OR10D3: variants seen among roughly 807,000 people sequenced by gnomAD.
The protein encoded by OR10D3 is olfactory receptor 10D3.
For missense variants in OR10D3, 286 were observed against 153.7 expected (o/e 1.86, Z -4.55); for synonymous variants, 100 against 57.6 (o/e 1.74, Z -3.33).
At chr11:124,186,325 G>T (rs1230032387) in exon 2 of OR10D3, 1 of 603,754 alleles carries the variant, frequency 1.7e-6, no homozygotes, top group Non-Finnish European at 2.9e-6. Context: ...TGTGCTGAAT[G>T]ATATGGACCA....
rs1487614826 is a variant in OR10D3, at chr11:124,186,002, C to T, written c.733C>T (p.Leu245Phe). The change falls in exon 2 of 2, where the codon CTC becomes TTC. Residue 245 changes from leucine to phenylalanine, a missense_variant. Transcript: ENST00000641351. ...TGCCTTCTCCACCTGCAGTGCTCACCTCATTGCCATCCTCTGTGCCTATGG... is the reference window on the plus strand; with the variant it reads ...TGCCTTCTCCACCTGCAGTGCTCACTTCATTGCCATCCTCTGTGCCTATGG... 11 of 703,344 alleles carry T rather than the reference C, an allele frequency of 1.6e-5. No homozygotes were observed. The East Asian group carries it at 2.9e-4, about 19-fold the overall frequency. The allele number at this position is 703,344 out of a possible 1,614,324, so 43.6% of individuals were successfully genotyped here.
exon 2 of OR10D3, chr11:124,188,653 A>G (rs1183891259): frequency 6.6e-6 from 1 of 152,200 alleles, no homozygotes; most frequent in Non-Finnish European, 1.5e-5. Flanking sequence ...AGGCTCTGTT[A>G]TTGGCCAAGG....
exon 2 of OR10D3, chr11:124,186,028 G>T (rs1424739717): frequency 2.8e-6 from 2 of 703,284 alleles, no homozygotes; most frequent in Non-Finnish European, 5.2e-6. Context: ...GTGCCTATGG[G>T]CCCATCATCA....
chr11:124,184,877 A>C (rs956837438), intron 1 of OR10D3, among the ~76,000 whole-genome samples: 2 of 152,206 alleles, frequency 1.3e-5, no homozygotes, highest in Non-Finnish European at 2.9e-5. Flanking sequence ...ATTGTGGTTC[A>C]TATCTCCAGT....
chr11:124,188,114 T>C (rs186038453), exon 2 of OR10D3: 42 of 152,244 alleles, frequency 2.8e-4, no homozygotes, highest in African/African-American at 9.1e-4. Flanking sequence ...AGGGAGTCAA[T>C]GGTGGGCTTA....
intron 1 of OR10D3, 84 bp from the exon 2 acceptor site, chr11:124,185,175 A>G (rs574487540): frequency 1.7e-6 from 1 of 604,716 alleles, no homozygotes; most frequent in South Asian, 2.0e-5. Flanking sequence ...TTAATTGACA[A>G]GTTTTATTTC....
intron 1 of OR10D3, among the ~76,000 whole-genome samples, 194 bp from the exon 2 acceptor site, chr11:124,185,065 C>T (rs931889729): frequency 2.4e-4 from 36 of 152,302 alleles, no homozygotes; most frequent in African/African-American, 7.9e-4. Context: ...ATATTTGCTA[C>T]AGAAATGTAG....
chr11:124,184,735 T>C (rs969788112), intron 1 of OR10D3, among the ~76,000 whole-genome samples: 1 of 152,246 alleles, frequency 6.6e-6, no homozygotes, highest in African/African-American at 2.4e-5. Context: ...CAGGATTAGA[T>C]GAACGGAGAT....
At chr11:124,187,464 A>C (rs1048786789) in exon 2 of OR10D3, 4 of 152,248 alleles carry the variant, frequency 2.6e-5, no homozygotes, top group African/African-American at 9.6e-5. Flanking sequence ...AGAGACACTC[A>C]GCATTTTCCT....
At chr11:124,185,699 C>G (rs1304286522) in exon 2 of OR10D3, 1 of 703,644 alleles carries the variant, frequency 1.4e-6, no homozygotes, top group South Asian at 1.5e-5. Flanking sequence ...CTGTGTGGCC[C>G]TGGCTGTGGG....
chr11:124,185,229 C>G, intron 1 of OR10D3, 30 bp from the exon 2 acceptor site: 1 of 670,520 alleles, frequency 1.5e-6, no homozygotes, highest in Non-Finnish European at 2.7e-6. Context: ...GGCATTCTTC[C>G]ATGTCCTCAG....
intron 1 of OR10D3, 78 bp downstream of exon 1, chr11:124,183,461 T>C (rs1464697602): frequency 1.4e-5 from 2 of 147,742 alleles, no homozygotes; most frequent in Non-Finnish European, 3.1e-5. Context: ...TTTCTCTCTC[T>C]TTCTCTTTCT....
At chr11:124,187,730 T>C (rs559566676) in exon 2 of OR10D3, 1 of 152,352 alleles carries the variant, frequency 6.6e-6, no homozygotes, top group Non-Finnish European at 1.5e-5. Flanking sequence ...ATTGTCTTAG[T>C]AGCCTCTTCA....
exon 2 of OR10D3, chr11:124,185,354 G>A (rs1232399621): frequency 2.8e-6 from 2 of 703,200 alleles, no homozygotes; most frequent in South Asian, 1.5e-5. Flanking sequence ...GACACTTTTT[G>A]TCTTATTCTT....
exon 2 of OR10D3, chr11:124,187,505 C>T: frequency 6.6e-6 from 1 of 152,306 alleles, no homozygotes. Flanking sequence ...CTAGGGTACA[C>T]ATAATTTTAC....
At chr11:124,184,062 C>T (rs1861191828) in intron 1 of OR10D3, among the ~76,000 whole-genome samples, 2 of 152,178 alleles carry the variant, frequency 1.3e-5, no homozygotes, top group African/African-American at 4.8e-5. Flanking sequence ...ATATGTAGCA[C>T]TTGTCTTGGG....
exon 2 of OR10D3, chr11:124,188,428 A>G (rs1861248641): frequency 1.3e-5 from 2 of 152,182 alleles, no homozygotes; most frequent in South Asian, 2.1e-4. Flanking sequence ...AACACCCACC[A>G]TATGCCTTCT....
chr11:124,188,096 G>C (rs1252089017), exon 2 of OR10D3: 1 of 152,206 alleles, frequency 6.6e-6, no homozygotes, highest in Non-Finnish European at 1.5e-5. Context: ...TGAAGGAAAT[G>C]GTAACCAAGG....
At chr11:124,183,488 TTC>T (rs1203112878) in intron 1 of OR10D3, 105 bp downstream of exon 1, 5 of 151,520 alleles carry the variant, frequency 3.3e-5, no homozygotes, top group Middle Eastern at 3.4e-3. Context: ...TTTTTTCTCT[TTC>T]TTTTTTTTTC....
Sources: gnomAD v4.1 joint callset for allele counts (sites outside exome capture counted in the v4.1 genomes callset) on GRCh38, gnomAD v4.1.1 for gene constraint, MANE v1.5 for transcripts, NCBI Gene and HGNC (gene_info 2026-07-23, HGNC 2026-07-21) for gene names.